MTCL1: variants seen among roughly 807,000 people sequenced by gnomAD.
MTCL1 encodes the protein microtubule cross-linking factor 1.
Under a neutral mutation model 141.4 loss-of-function variants are expected in MTCL1, and 79 were observed. The ratio of observed to expected loss-of-function variants is 0.56; its 90% CI spans 0.47 to 0.67. The LOEUF is 0.67. Ranked by LOEUF, MTCL1 falls within the 30% of genes least tolerant of loss-of-function variation. The probability of loss-of-function intolerance (pLI) is 0.00; values close to 1 mark genes in which losing one functional copy is unlikely to be tolerated. For synonymous variants in MTCL1, 914 were observed against 875.8 expected (o/e 1.04, Z -0.77); for missense variants, 2,177 against 2,113.9 (o/e 1.03, Z -0.59).
intron 4 of MTCL1, among the ~76,000 whole-genome samples, chr18:8,726,495 GCGCGCGCGCGCGCA>G (rs1386132688): frequency 0.31 from 37,856 of 121,918 alleles, 5,865 homozygotes; most frequent in African/African-American, 0.43. Context: ...GAGAGAGAGA[GCGCGCGCGCGCGCA>G]AGAGCGAGCG....
chr18:8,775,198 G>T (rs897432914), intron 4 of MTCL1, among the ~76,000 whole-genome samples: 3 of 152,168 alleles, frequency 2.0e-5, no homozygotes, highest in African/African-American at 7.2e-5. Context: ...TACAGCCCTG[G>T]AATTAAGTCC....
chr18:8,744,365 C>T (rs770351369), intron 4 of MTCL1, among the ~76,000 whole-genome samples: 1 of 152,226 alleles, frequency 6.6e-6, no homozygotes, highest in African/African-American at 2.4e-5. Flanking sequence ...GAAGTATCAT[C>T]GGTGTTATCA....
chr18:8,766,367 T>C (rs1196803464), intron 4 of MTCL1, among the ~76,000 whole-genome samples: 1 of 151,980 alleles, frequency 6.6e-6, no homozygotes, highest in Non-Finnish European at 1.5e-5. Context: ...GGAGCAGCTG[T>C]CTCTGCCGTG....
intron 4 of MTCL1, among the ~76,000 whole-genome samples, chr18:8,760,937 G>T (rs1350004631): frequency 6.6e-6 from 1 of 152,198 alleles, no homozygotes; most frequent in Non-Finnish European, 1.5e-5. Flanking sequence ...AAAATATGCT[G>T]CTTTGAAATG....
chr18:8,826,941 A>G (rs2077046237), intron 15 of MTCL1, among the ~76,000 whole-genome samples: 3 of 152,244 alleles, frequency 2.0e-5, no homozygotes, highest in Non-Finnish European at 4.4e-5. Context: ...ACACCACTTT[A>G]CAAAACGCTT....
Position 8,810,461 on chromosome 18 carries a change from C to A in MTCL1, c.2605-2518C>A, listed in dbSNP as rs2076446383. ...GTGTGGACACAGAGGAGCTTGTGGGCAGAAGGAGTGTCCCTTCACTGTCTT... is the reference window on the plus strand; with the variant it reads ...GTGTGGACACAGAGGAGCTTGTGGGAAGAAGGAGTGTCCCTTCACTGTCTT... On this transcript the variant is annotated intron_variant, in intron 11 of 16. Transcript: ENST00000359865. This position sits in a 1 kb window ranked among gnomAD's most constrained non-coding sequence, Gnocchi z 5.0. Among the ~76,000 whole-genome samples, 1 of 152,212 alleles carries A rather than the reference C, an allele frequency of 6.6e-6. No individual in the cohort carries two copies. Among genetic ancestry groups the A allele is most frequent in the Middle Eastern group, 3.4e-3 (1 of 294 alleles).
intron 4 of MTCL1, among the ~76,000 whole-genome samples, chr18:8,724,359 C>T (rs532089777): frequency 3.9e-5 from 6 of 151,972 alleles, no homozygotes; most frequent in South Asian, 2.1e-4. Flanking sequence ...TGCAGTGAGC[C>T]GAGATCGCGC....
At chr18:8,721,451 C>G (rs1402555854) in intron 4 of MTCL1, among the ~76,000 whole-genome samples, 1 of 152,122 alleles carries the variant, frequency 6.6e-6, no homozygotes, top group East Asian at 1.9e-4. Flanking sequence ...GATAACAAAA[C>G]AAACAAATCA....
At chr18:8,740,154 AT>A (rs2096294859) in intron 4 of MTCL1, among the ~76,000 whole-genome samples, 1 of 152,244 alleles carries the variant, frequency 6.6e-6, no homozygotes, top group Non-Finnish European at 1.5e-5. Flanking sequence ...TGCTGAGTGA[AT>A]TTGGAGGCAG....
At chr18:8,775,363 G>A (rs185341815) in intron 4 of MTCL1, among the ~76,000 whole-genome samples, 39 of 150,514 alleles carry the variant, frequency 2.6e-4, no homozygotes, top group African/African-American at 8.6e-4. Context: ...CTGAGGTCAG[G>A]AGTTCGAGAC....
intron 4 of MTCL1, among the ~76,000 whole-genome samples, chr18:8,763,594 TC>T (rs2096444121): frequency 1.3e-5 from 2 of 152,262 alleles, no homozygotes; most frequent in South Asian, 4.1e-4. Flanking sequence ...TATTTCCCTT[TC>T]CTTTGCTTCA....
At chr18:8,812,160 C>T (rs1452482224) in intron 11 of MTCL1, among the ~76,000 whole-genome samples, 2 of 152,164 alleles carry the variant, frequency 1.3e-5, no homozygotes, top group Non-Finnish European at 2.9e-5. Context: ...TTTATATTTA[C>T]ATAGATGTCA....
intron 4 of MTCL1, among the ~76,000 whole-genome samples, chr18:8,747,667 C>T (rs1036501947): frequency 1.3e-5 from 2 of 152,230 alleles, no homozygotes; most frequent in African/African-American, 4.8e-5. Flanking sequence ...TATTCCCCAG[C>T]ACTGGGGGTA....
chr18:8,763,055 A>T (rs2096441016), intron 4 of MTCL1, among the ~76,000 whole-genome samples: 1 of 152,208 alleles, frequency 6.6e-6, no homozygotes, highest in Non-Finnish European at 1.5e-5. Flanking sequence ...ATGACCTGCC[A>T]GCTGCACAAA....
At chr18:8,798,442 C>G (rs1465906472) in intron 10 of MTCL1, 151 bp downstream of exon 9, 4 of 621,208 alleles carry the variant, frequency 6.4e-6, no homozygotes, top group Non-Finnish European at 1.0e-5. Flanking sequence ...ATTTGTGATG[C>G]TGGGTTTTTC....
intron 4 of MTCL1, among the ~76,000 whole-genome samples, chr18:8,730,553 T>G (rs2096244750): frequency 6.6e-6 from 1 of 152,232 alleles, no homozygotes; most frequent in Admixed American, 6.5e-5. Context: ...GTTTGGTTAG[T>G]GATAAGCGAA....
At chr18:8,820,757 T>A (rs1283188524) in intron 13 of MTCL1, among the ~76,000 whole-genome samples, 1 of 152,176 alleles carries the variant, frequency 6.6e-6, no homozygotes, top group Non-Finnish European at 1.5e-5. Flanking sequence ...GCATGCTCAT[T>A]AAGGGGAAGG....
intron 11 of MTCL1, chr18:8,809,521 CG>C (rs1568080031): frequency 1.3e-6 from 2 of 1,536,112 alleles, no homozygotes; most frequent in African/African-American, 2.7e-5. Flanking sequence ...GCTGGGTCCA[CG>C]GTAAAAACGT....
chr18:8,734,209 C>T (rs1027849816), intron 4 of MTCL1, among the ~76,000 whole-genome samples: 8 of 151,920 alleles, frequency 5.3e-5, no homozygotes, highest in African/African-American at 1.2e-4. Context: ...TGGTAGCACC[C>T]CCCCTCCCCA....
Sources: gnomAD v4.1 joint callset for allele counts (sites outside exome capture counted in the v4.1 genomes callset) on GRCh38, gnomAD v4.1.1 for gene constraint, Gnocchi (gnomAD v3.1) non-coding constraint, MANE v1.5 for transcripts, NCBI Gene and HGNC (gene_info 2026-07-23, HGNC 2026-07-21) for gene names.